Variants in ADGRL2 observed in about 807,000 individuals in gnomAD.
ADGRL2 encodes adhesion G protein-coupled receptor L2, also known as calcium-independent alpha-latrotoxin receptor 2.
A neutral mutation model predicts 157.4 loss-of-function variants in ADGRL2; 44 were observed. That is an observed-to-expected ratio of 0.28 (90% CI 0.22 to 0.36). The LOEUF is 0.36. ADGRL2 is among the 10% of genes least tolerant of loss of function. ADGRL2 has a pLI of 1.00. For synonymous variants in ADGRL2, 585 were observed against 624.7 expected, an observed-to-expected ratio of 0.94 and a Z score of 0.95; for missense variants, 1,510 against 1,768.9, an observed-to-expected ratio of 0.85 and a Z score of 2.63.
At chr1:81,450,534 C>T (rs891338766) in intron 2 of ADGRL2, among the ~76,000 whole-genome samples, 15 of 152,022 alleles carry the variant, frequency 9.9e-5, no homozygotes, top group African/African-American at 2.9e-4. Context: ...TCTCTGAGAC[C>T]GAAGGCTGTG....
chr1:81,833,243 T>A (rs916488323), intron 1 of ADGRL2, among the ~76,000 whole-genome samples: 3 of 152,238 alleles, frequency 2.0e-5, no homozygotes, highest in Non-Finnish European at 4.4e-5. Flanking sequence ...ATGTTTCATT[T>A]TACACAGCAT....
At chr1:81,869,706 A>T (rs928117738) in intron 2 of ADGRL2, among the ~76,000 whole-genome samples, 29 of 119,008 alleles carry the variant, frequency 2.4e-4, no homozygotes, top group African/African-American at 9.3e-4. Context: ...AAATGTATGT[A>T]AAAAAAAAAT....
chr1:81,774,213 A>G (rs2086487622), intron 2 of ADGRL2, among the ~76,000 whole-genome samples: 1 of 152,236 alleles, frequency 6.6e-6, no homozygotes, highest in South Asian at 2.1e-4. Flanking sequence ...GGGCTGGCCA[A>G]TCTAACCCTA....
intron 2 of ADGRL2, among the ~76,000 whole-genome samples, chr1:81,877,964 T>C (rs1275736410): frequency 6.6e-6 from 1 of 152,178 alleles, no homozygotes; most frequent in Admixed American, 6.5e-5. Context: ...TACAGATTTT[T>C]TAAAAACTGG....
intron 1 of ADGRL2, among the ~76,000 whole-genome samples, chr1:81,360,609 C>T (rs1256055840): frequency 1.3e-5 from 2 of 151,762 alleles, no homozygotes; most frequent in African/African-American, 4.8e-5. Context: ...TCTGTCTATG[C>T]CAAGTAAAAT....
intron 1 of ADGRL2, among the ~76,000 whole-genome samples, chr1:81,380,787 G>C (rs116378812): frequency 0.018 from 2,718 of 152,154 alleles, 75 homozygotes; most frequent in African/African-American, 0.062. Context: ...TTTGGTGGTG[G>C]TGGTGGTAGT....
At chr1:81,675,949 C>T (rs115435739) in intron 3 of ADGRL2, among the ~76,000 whole-genome samples, 49 of 152,242 alleles carry the variant, frequency 3.2e-4, no homozygotes, top group Non-Finnish European at 5.0e-4. Context: ...ACCTACTGAT[C>T]AAATTTATGG....
At chr1:81,444,029 G>C (rs934139469) in intron 1 of ADGRL2, among the ~76,000 whole-genome samples, 1 of 152,140 alleles carries the variant, frequency 6.6e-6, no homozygotes, top group African/African-American at 2.4e-5. Context: ...GACAAGAAAA[G>C]GTCCGGAGAC....
At chr1:81,346,728 A>G (rs1557614934) in intron 1 of ADGRL2, among the ~76,000 whole-genome samples, 1 of 152,194 alleles carries the variant, frequency 6.6e-6, no homozygotes, top group Non-Finnish European at 1.5e-5. Context: ...TGAAGCAACT[A>G]GCACCTTGAT....
intron 2 of ADGRL2, among the ~76,000 whole-genome samples, chr1:81,470,893 A>T (rs2078157671): frequency 6.6e-6 from 1 of 152,228 alleles, no homozygotes; most frequent in East Asian, 1.9e-4. Flanking sequence ...TCATTAATGC[A>T]CAAAGGTAGA....
intron 2 of ADGRL2, among the ~76,000 whole-genome samples, chr1:81,549,168 T>A (rs1020739063): frequency 2.0e-5 from 3 of 152,200 alleles, no homozygotes; most frequent in African/African-American, 7.2e-5. Context: ...AAGCAGATCC[T>A]TTTGACATGC....
intron 3 of ADGRL2, among the ~76,000 whole-genome samples, chr1:81,639,047 C>T (rs2082166874): frequency 6.6e-6 from 1 of 152,110 alleles, no homozygotes; most frequent in South Asian, 2.1e-4. Context: ...TTCTATGTCT[C>T]TGTAAGAAAG....
chr1:81,650,741 T>A (rs2082404235), intron 3 of ADGRL2, among the ~76,000 whole-genome samples: 1 of 151,852 alleles, frequency 6.6e-6, no homozygotes, highest in South Asian at 2.1e-4. Context: ...GTCAACAAAA[T>A]TTTTAAGATT....
chr1:81,462,208 A>G (rs1390113282), intron 2 of ADGRL2, among the ~76,000 whole-genome samples: 1 of 152,208 alleles, frequency 6.6e-6, no homozygotes, highest in East Asian at 1.9e-4. Context: ...AAATGGACCA[A>G]TCAGCACTCT....
At chr1:81,922,171 G>T (rs1258333488) in intron 3 of ADGRL2, among the ~76,000 whole-genome samples, 2 of 152,166 alleles carry the variant, frequency 1.3e-5, no homozygotes, top group Non-Finnish European at 2.9e-5. Flanking sequence ...GTGGAGAAGG[G>T]AAAGTGGTAA....
intron 2 of ADGRL2, among the ~76,000 whole-genome samples, chr1:81,469,354 C>T (rs961530172): frequency 1.1e-4 from 17 of 152,172 alleles, no homozygotes; most frequent in African/African-American, 4.1e-4. Flanking sequence ...AGGGACACGG[C>T]TCCTTGATCT....
chr1:81,942,860 G>T, intron 5 of ADGRL2, 109 bp from the exon 6 acceptor site: 3 of 819,644 alleles, frequency 3.7e-6, no homozygotes, highest in Non-Finnish European at 6.3e-6. Flanking sequence ...TGGTAAAATT[G>T]AATGCTAATA....
intron 2 of ADGRL2, among the ~76,000 whole-genome samples, chr1:81,460,009 T>C (rs758618375): frequency 1.3e-4 from 19 of 151,990 alleles, no homozygotes; most frequent in Admixed American, 5.9e-4. Context: ...ACCAACACTT[T>C]GTCTTTTGTT....
At chr1:81,732,739 A>T (rs1444834014) in intron 1 of ADGRL2, among the ~76,000 whole-genome samples, 1 of 152,248 alleles carries the variant, frequency 6.6e-6, no homozygotes, top group East Asian at 1.9e-4. Context: ...AGGATAGTAG[A>T]CTAAGTGACC....
Sources: gnomAD v4.1 joint callset for allele counts (sites outside exome capture counted in the v4.1 genomes callset) on GRCh38, gnomAD v4.1.1 for gene constraint, MANE v1.5 for transcripts, NCBI Gene and HGNC (gene_info 2026-07-23, HGNC 2026-07-21) for gene names.